The following ATP8B4 variants were observed in gnomAD, a reference collection of about 807,000 sequenced individuals.
The protein encoded by ATP8B4 is probable phospholipid-transporting ATPase IM.
ATP8B4 carries 133 observed loss-of-function variants against 145.6 expected under a neutral mutation model. That is an observed-to-expected ratio of 0.91 (90% CI 0.79 to 1.05). ATP8B4 has a LOEUF of 1.05. Ranked by LOEUF, ATP8B4 falls within the 50% of genes least tolerant of loss-of-function variation. ATP8B4 has a pLI of 0.00. For synonymous variants in ATP8B4, 507 were observed against 492.9 expected (o/e 1.03, Z -0.38); for missense variants, 1,458 against 1,425.2 (o/e 1.02, Z -0.37).
chr15:50,052,569 T>C (rs1360854101), intron 3 of ATP8B4, among the ~76,000 whole-genome samples: 2 of 152,212 alleles, frequency 1.3e-5, no homozygotes, highest in Non-Finnish European at 2.9e-5. Context: ...CCATTATTCC[T>C]CCAAGATTGG....
At chr15:50,003,746 T>C (rs2048091474) in intron 7 of ATP8B4, among the ~76,000 whole-genome samples, 1 of 152,104 alleles carries the variant, frequency 6.6e-6, no homozygotes, top group Non-Finnish European at 1.5e-5. Flanking sequence ...TGATTGAATA[T>C]AGAGAAAGAT....
chr15:49,956,918 A>C (rs1021146389), intron 14 of ATP8B4, among the ~76,000 whole-genome samples: 3 of 152,206 alleles, frequency 2.0e-5, no homozygotes, highest in African/African-American at 7.2e-5. Flanking sequence ...AATAACTGAA[A>C]AAAATAAATG....
chr15:49,869,396 A>G (rs1327374502), intron 25 of ATP8B4, among the ~76,000 whole-genome samples: 1 of 152,152 alleles, frequency 6.6e-6, no homozygotes, highest in Non-Finnish European at 1.5e-5. Flanking sequence ...AGAATGAGAC[A>G]AGAAATAAAT....
At chr15:50,176,501 C>T (rs2044764918) in intron 1 of ATP8B4, among the ~76,000 whole-genome samples, 1 of 151,058 alleles carries the variant, frequency 6.6e-6, no homozygotes, top group Admixed American at 6.6e-5. Context: ...CACCTGTACC[C>T]CAATAACTTA....
chr15:49,963,599 T>C (rs770662704), intron 13 of ATP8B4, among the ~76,000 whole-genome samples: 3 of 152,190 alleles, frequency 2.0e-5, no homozygotes, highest in South Asian at 2.1e-4. Flanking sequence ...TGAGGTCATG[T>C]CCTTTGCCGG....
intron 9 of ATP8B4, 124 bp from the exon 10 acceptor site, chr15:49,987,673 A>G: frequency 1.0e-6 from 1 of 994,704 alleles, no homozygotes; most frequent in African/African-American, 1.6e-5. Flanking sequence ...CATATAAAGA[A>G]TTGTGCTAGA....
At chr15:50,069,189 G>A (rs2053570931) in intron 3 of ATP8B4, among the ~76,000 whole-genome samples, 1 of 152,132 alleles carries the variant, frequency 6.6e-6, no homozygotes, top group Non-Finnish European at 1.5e-5. Flanking sequence ...CATTTTGGCA[G>A]TCTAAATCCC....
intron 19 of ATP8B4, 98 bp downstream of exon 19, chr15:49,918,741 G>A: frequency 1.2e-6 from 1 of 822,594 alleles, no homozygotes; most frequent in South Asian, 1.8e-5. Context: ...AAGATTGGGT[G>A]AATATTTAAT....
At chr15:50,001,889 T>C (rs2047921151) in intron 8 of ATP8B4, among the ~76,000 whole-genome samples, 1 of 152,176 alleles carries the variant, frequency 6.6e-6, no homozygotes, top group African/African-American at 2.4e-5. Context: ...AAAAACTTTT[T>C]TTAAAAAATC....
upstream of ATP8B4, chr15:50,119,497 C>T (rs2057240631): frequency 6.6e-6 from 1 of 152,250 alleles, no homozygotes; most frequent in South Asian, 2.1e-4. Flanking sequence ...TAGTTGCCTG[C>T]TCCTGCTGAC....
chr15:49,950,590 T>TAAAAAAAAAAAAAA (rs766902500), intron 14 of ATP8B4, among the ~76,000 whole-genome samples: 1 of 46,320 alleles, frequency 2.2e-5, no homozygotes, highest in Non-Finnish European at 5.2e-5. Context: ...ATGTATTAAC[T>TAAAAAAAAAAAAAA]AAAAAAAAAA....
intron 3 of ATP8B4, among the ~76,000 whole-genome samples, chr15:50,050,968 T>C (rs903756772): frequency 6.6e-6 from 1 of 152,116 alleles, no homozygotes; most frequent in African/African-American, 2.4e-5. Context: ...CCATCACTCC[T>C]ATCTGTTTTT....
intron 1 of ATP8B4, among the ~76,000 whole-genome samples, chr15:50,141,820 A>T (rs2044216090): frequency 6.6e-6 from 1 of 152,216 alleles, no homozygotes; most frequent in African/African-American, 2.4e-5. Context: ...CCTCAACCAC[A>T]CTAGCTGGGT....
At chr15:49,978,880 G>C (rs889644604) in intron 12 of ATP8B4, among the ~76,000 whole-genome samples, 8 of 151,804 alleles carry the variant, frequency 5.3e-5, no homozygotes, top group Admixed American at 5.2e-4. Flanking sequence ...CAAAAAGAGA[G>C]ACCACCTTAG....
At chr15:50,018,542 T>C (rs2049280713) in intron 6 of ATP8B4, among the ~76,000 whole-genome samples, 1 of 152,198 alleles carries the variant, frequency 6.6e-6, no homozygotes, top group Non-Finnish European at 1.5e-5. Context: ...TATATGGATA[T>C]CTTCCCGTCA....
chr15:50,140,116 G>A (rs1382654631), intron 1 of ATP8B4, among the ~76,000 whole-genome samples: 3 of 152,036 alleles, frequency 2.0e-5, no homozygotes, highest in African/African-American at 7.3e-5. Context: ...AAACTCACCA[G>A]TATATAATTT....
chr15:50,018,974 C>T (rs1373588924), intron 6 of ATP8B4: 2 of 1,224,314 alleles, frequency 1.6e-6, no homozygotes, highest in Admixed American at 2.3e-5. Flanking sequence ...GTACCTTCAG[C>T]ACCTTCATTA....
intron 24 of ATP8B4, 68 bp downstream of exon 24, chr15:49,879,308 T>C (rs1397514814): frequency 5.8e-6 from 8 of 1,380,564 alleles, no homozygotes; most frequent in Non-Finnish European, 8.0e-6. Flanking sequence ...TGTTTTCTAC[T>C]TAGAACCCAC....
intron 1 of ATP8B4, among the ~76,000 whole-genome samples, chr15:50,150,309 G>C (rs1226604605): frequency 6.6e-6 from 1 of 152,132 alleles, no homozygotes; most frequent in Non-Finnish European, 1.5e-5. Flanking sequence ...TGTGTTATCA[G>C]GCATTTCATG....
Sources: gnomAD v4.1 joint callset for allele counts (sites outside exome capture counted in the v4.1 genomes callset) on GRCh38, gnomAD v4.1.1 for gene constraint, MANE v1.5 for transcripts, NCBI Gene and HGNC (gene_info 2026-07-23, HGNC 2026-07-21) for gene names.